Variants in MAGI2 observed in about 807,000 individuals in gnomAD.
The protein encoded by MAGI2 is membrane associated guanylate kinase, WW and PDZ domain containing 2.
MAGI2 carries 35 observed loss-of-function variants against 133.3 expected under a neutral mutation model. The ratio of observed to expected loss-of-function variants is 0.26; its 90% CI spans 0.20 to 0.35. MAGI2 has a LOEUF of 0.35. MAGI2 is among the 10% of genes least tolerant of loss of function. The probability of loss-of-function intolerance (pLI) is 1.00; values close to 1 mark genes in which losing one functional copy is unlikely to be tolerated. For synonymous variants in MAGI2, 729 were observed against 710.6 expected (o/e 1.03, Z -0.41); for missense variants, 1,636 against 1,863.4 (o/e 0.88, Z 2.25).
intron 6 of MAGI2, among the ~76,000 whole-genome samples, chr7:78,379,701 T>C (rs1217733994): frequency 6.6e-6 from 1 of 152,016 alleles, no homozygotes; most frequent in Non-Finnish European, 1.5e-5. Context: ...ACTCCCTTTC[T>C]TTCCATCCAT....
At chr7:79,144,672 T>C (rs1424681760) in intron 1 of MAGI2, among the ~76,000 whole-genome samples, 1 of 152,188 alleles carries the variant, frequency 6.6e-6, no homozygotes, top group Non-Finnish European at 1.5e-5. Flanking sequence ...CTGTGAGTGC[T>C]AACTACCTAA....
At chr7:78,084,980 T>C (rs905254954) in intron 20 of MAGI2, among the ~76,000 whole-genome samples, 2 of 152,228 alleles carry the variant, frequency 1.3e-5, no homozygotes, top group Non-Finnish European at 2.9e-5. Flanking sequence ...TAGATCGCGA[T>C]TGAATTAGAT....
At chr7:78,246,823 C>T (rs1489048887) in intron 10 of MAGI2, among the ~76,000 whole-genome samples, 2 of 152,094 alleles carry the variant, frequency 1.3e-5, no homozygotes, top group Non-Finnish European at 2.9e-5. Context: ...TCCATAGCAC[C>T]CCTTCTTTTC....
intron 2 of MAGI2, among the ~76,000 whole-genome samples, chr7:78,878,940 G>C (rs1795633593): frequency 6.6e-6 from 1 of 152,114 alleles, no homozygotes; most frequent in Non-Finnish European, 1.5e-5. Context: ...TGTTCATCTG[G>C]ATCAGCAGCC....
intron 1 of MAGI2, among the ~76,000 whole-genome samples, chr7:79,104,036 A>G (rs1818229095): frequency 6.6e-6 from 1 of 152,126 alleles, no homozygotes; most frequent in African/African-American, 2.4e-5. Flanking sequence ...ACATGGTTGT[A>G]TTCACTTTGT....
At chr7:78,992,430 C>T (rs1026658107) in intron 2 of MAGI2, among the ~76,000 whole-genome samples, 2 of 151,890 alleles carry the variant, frequency 1.3e-5, no homozygotes, top group Non-Finnish European at 2.9e-5. Flanking sequence ...TTTTTAATCT[C>T]TTTAAATTTA....
At chr7:78,692,481 C>A (rs1817070771) in intron 2 of MAGI2, among the ~76,000 whole-genome samples, 1 of 152,100 alleles carries the variant, frequency 6.6e-6, no homozygotes, top group African/African-American at 2.4e-5. Flanking sequence ...AAGAAACATT[C>A]TGTTCATTCA....
intron 1 of MAGI2, among the ~76,000 whole-genome samples, chr7:79,204,495 C>T (rs575275445): frequency 1.3e-5 from 2 of 152,210 alleles, no homozygotes; most frequent in South Asian, 4.1e-4. Flanking sequence ...CTTTCCCAGA[C>T]ATAGTTGCTA....
At position 79,452,805 on chromosome 7, in the gene MAGI2, C is replaced by T. The variant is rs1849376900; in HGVS notation, c.301+215G>A. On this transcript the variant is annotated intron_variant, in intron 1 of 21. Transcript: ENST00000354212. Reference sequence around the variant, plus strand: ...AAAGGGGAGGGTCTAACTGAGCAAACAAAGTTGCACGCCACACCACAACCT... The same window carrying T: ...AAAGGGGAGGGTCTAACTGAGCAAATAAAGTTGCACGCCACACCACAACCT... 5.8e-5 allele frequency: 33 copies of T among 570,528 alleles called. No individual in the cohort carries two copies. The South Asian group carries it at 8.1e-4, about 14-fold the overall frequency. The allele number at this position is 570,528 out of a possible 1,614,324, so 35.3% of individuals were successfully genotyped here.
At chr7:78,088,662 T>G (rs1182879511) in intron 20 of MAGI2, among the ~76,000 whole-genome samples, 1 of 152,104 alleles carries the variant, frequency 6.6e-6, no homozygotes, top group Non-Finnish European at 1.5e-5. Context: ...AGAGGCTGCC[T>G]GTCTACAGCT....
chr7:78,204,916 A>T (rs565377197), intron 10 of MAGI2, among the ~76,000 whole-genome samples: 2 of 152,312 alleles, frequency 1.3e-5, no homozygotes, highest in African/African-American at 4.8e-5. Context: ...CACAAAACTG[A>T]TTACACCTGT....
intron 6 of MAGI2, among the ~76,000 whole-genome samples, chr7:78,408,074 C>A (rs970645177): frequency 1.3e-5 from 2 of 152,054 alleles, no homozygotes; most frequent in Non-Finnish European, 2.9e-5. Flanking sequence ...GCAACTCCCT[C>A]CCTTCTATGC....
intron 21 of MAGI2, among the ~76,000 whole-genome samples, chr7:78,047,138 G>A (rs11761489): frequency 6.6e-6 from 1 of 152,124 alleles, no homozygotes; most frequent in Non-Finnish European, 1.5e-5. Context: ...ATGACGATGG[G>A]GGTTCTGTGC....
chr7:78,644,409 C>G (rs1481727875), intron 2 of MAGI2, among the ~76,000 whole-genome samples: 1 of 151,952 alleles, frequency 6.6e-6, no homozygotes, highest in Non-Finnish European at 1.5e-5. Flanking sequence ...ATATTCTTGG[C>G]AATAAAACAA....
intron 2 of MAGI2, among the ~76,000 whole-genome samples, chr7:78,935,688 G>A (rs1287157511): frequency 1.3e-5 from 2 of 151,896 alleles, no homozygotes; most frequent in African/African-American, 2.4e-5. Flanking sequence ...TCATGGGATC[G>A]TTATCTCTTT....
chr7:78,526,157 G>A (rs1796931463), intron 3 of MAGI2, among the ~76,000 whole-genome samples: 1 of 152,098 alleles, frequency 6.6e-6, no homozygotes, highest in Admixed American at 6.5e-5. Context: ...TTGAAAATAC[G>A]CTGTTGCCTT....
chr7:78,285,010 G>T (rs1340561693), intron 9 of MAGI2, among the ~76,000 whole-genome samples: 3 of 152,112 alleles, frequency 2.0e-5, no homozygotes, highest in Non-Finnish European at 4.4e-5. Flanking sequence ...ATAAATAAGG[G>T]CTGGTCAACT....
At chr7:79,168,889 G>GATATATATAT (rs1182056135) in intron 1 of MAGI2, among the ~76,000 whole-genome samples, 19 of 14,592 alleles carry the variant, frequency 1.3e-3, no homozygotes, top group South Asian at 3.6e-3. Context: ...TCTAAAGATA[G>GATATATATAT]ATATATATAT....
chr7:78,501,655 T>G lies in MAGI2; in HGVS notation c.887A>C (p.Glu296Ala). ...CAATGGGTCTGGTTCCTCATTGTCT[T>G]CAGGTTTAGTTGGCTTTGTGTCATC... ...QMDDTKPTKP[E>A]DNEEPDPLPD... is the part of the protein sequence containing the mutation. The change falls in exon 5 of 22, where the codon GAA becomes GCA. Residue 296 changes from glutamate (E) to alanine (A), a missense_variant. Glu to Ala is a moderately radical substitution (Grantham distance 107). Coordinates refer to ENST00000354212, the MANE Select transcript of MAGI2 (RefSeq NM_012301.4). The G allele has an allele frequency of 6.2e-7, 1 of 1,614,192 alleles. No homozygotes were observed. Among genetic ancestry groups the G allele is most frequent in the Non-Finnish European group, 8.5e-7 (1 of 1,180,034 alleles).
Sources: gnomAD v4.1 joint callset for allele counts (sites outside exome capture counted in the v4.1 genomes callset) on GRCh38, gnomAD v4.1.1 for gene constraint, MANE v1.5 for transcripts, NCBI Gene and HGNC (gene_info 2026-07-23, HGNC 2026-07-21) for gene names.